The following FER1L6 variants were observed in gnomAD, a reference collection of about 807,000 sequenced individuals.
The protein encoded by FER1L6 is fer-1-like protein 6.
FER1L6 carries 177 observed loss-of-function variants against 219.2 expected under a neutral mutation model. That is an observed-to-expected ratio of 0.81 (90% CI 0.71 to 0.91). The LOEUF (loss-of-function observed/expected upper bound fraction) is 0.91, where lower values mean the gene tolerates loss of function less well. FER1L6 is among the 40% of genes least tolerant of loss of function. The probability of loss-of-function intolerance (pLI) is 0.00; values close to 1 mark genes in which losing one functional copy is unlikely to be tolerated. For synonymous variants in FER1L6, 768 were observed against 824.3 expected (o/e 0.93, Z 1.17); for missense variants, 2,153 against 2,259.9 (o/e 0.95, Z 0.96).
intron 11 of FER1L6, among the ~76,000 whole-genome samples, chr8:123,981,300 T>C (rs768265841): frequency 5.9e-5 from 9 of 152,206 alleles, no homozygotes; most frequent in Non-Finnish European, 1.0e-4. Flanking sequence ...TAGGGTATGC[T>C]TATTACTCAC....
intron 1 of FER1L6, among the ~76,000 whole-genome samples, chr8:123,925,175 C>T (rs1813516214): frequency 6.6e-6 from 1 of 152,178 alleles, no homozygotes. Flanking sequence ...AAATGGACTT[C>T]TCTCTCATGG....
At chr8:124,068,756 T>C (rs1259722023) in intron 28 of FER1L6, among the ~76,000 whole-genome samples, 3 of 152,148 alleles carry the variant, frequency 2.0e-5, no homozygotes, top group Non-Finnish European at 2.9e-5. Context: ...TGTAACCCAC[T>C]GGCCCATAGA....
intron 28 of FER1L6, 94 bp from the exon 29 acceptor site, chr8:124,069,266 T>A: frequency 1.1e-6 from 1 of 943,412 alleles, no homozygotes; most frequent in Non-Finnish European, 1.7e-6. Context: ...GGTCACAACA[T>A]AGGACATGTC....
rs141891602 is a variant in FER1L6 at position 124,067,072 on chromosome 8, G to T, written c.3678+522G>T. 5.2e-3 allele frequency among the ~76,000 whole-genome samples: 799 copies of T among 152,320 alleles called. 8 individuals carry two copies. The highest frequency in any genetic ancestry group is 0.031 in the Middle Eastern group (9 of 294). ...GGAATGAGACAGATCTAGTTATGAA[G>T]CTGGAGAGACAGTGGGGAGTAGGCC... On this transcript the variant is annotated intron_variant, in intron 27 of 40. Coordinates refer to ENST00000522917, the MANE Select transcript of FER1L6 (RefSeq NM_001039112.2).
chr8:124,006,305 G>A (rs1450657411), intron 13 of FER1L6, among the ~76,000 whole-genome samples: 1 of 152,192 alleles, frequency 6.6e-6, no homozygotes, highest in Non-Finnish European at 1.5e-5. Context: ...ATCCTTGGAT[G>A]CACCTCATAT....
chr8:123,922,879 A>G (rs1221368475), intron 1 of FER1L6, among the ~76,000 whole-genome samples: 1 of 152,068 alleles, frequency 6.6e-6, no homozygotes, highest in Non-Finnish European at 1.5e-5. Flanking sequence ...TTTGAACTCA[A>G]AGTGTGTAAT....
chr8:123,963,917 T>C (rs1815414885), intron 3 of FER1L6, among the ~76,000 whole-genome samples: 2 of 152,244 alleles, frequency 1.3e-5, no homozygotes, highest in Admixed American at 6.5e-5. Flanking sequence ...TTGGATAGTT[T>C]TGCTGATCCC....
intron 22 of FER1L6, among the ~76,000 whole-genome samples, chr8:124,059,898 C>T (rs1820481005): frequency 1.3e-5 from 2 of 152,088 alleles, no homozygotes; most frequent in South Asian, 2.1e-4. Context: ...GACCATCTTC[C>T]GTATTTGTTT....
At chr8:124,084,300 A>G (rs1821698609) in intron 33 of FER1L6, among the ~76,000 whole-genome samples, 1 of 152,134 alleles carries the variant, frequency 6.6e-6, no homozygotes, top group African/African-American at 2.4e-5. Flanking sequence ...TCTATGTTGA[A>G]TAACAGTGGT....
intron 38 of FER1L6, 65 bp downstream of exon 38, chr8:124,101,403 T>C: frequency 1.4e-6 from 2 of 1,471,380 alleles, no homozygotes; most frequent in East Asian, 2.3e-5. Context: ...TTTGGAGAGC[T>C]TGGTCTGATT....
intron 13 of FER1L6, chr8:124,004,051 G>C (rs1441847046): frequency 6.8e-6 from 1 of 147,434 alleles, no homozygotes; most frequent in Admixed American, 6.9e-5. Context: ...CAATTTGATG[G>C]GATTATTGAA....
At chr8:124,050,252 G>A (rs1819947029) in intron 22 of FER1L6, among the ~76,000 whole-genome samples, 1 of 152,182 alleles carries the variant, frequency 6.6e-6, no homozygotes, top group Non-Finnish European at 1.5e-5. Flanking sequence ...TGGGTGAACT[G>A]AGTTGACCTT....
At chr8:123,869,238 A>G (rs1326987375) in intron 1 of FER1L6, among the ~76,000 whole-genome samples, 1 of 152,168 alleles carries the variant, frequency 6.6e-6, no homozygotes, top group Admixed American at 6.6e-5. Context: ...TATTCTTATT[A>G]TTGCCCAGAT....
chr8:123,921,870 G>C (rs995472864), intron 1 of FER1L6, among the ~76,000 whole-genome samples: 6 of 152,126 alleles, frequency 3.9e-5, no homozygotes, highest in African/African-American at 1.4e-4. Flanking sequence ...CTTGAAAGGT[G>C]TTTGTCAAGC....
chr8:124,031,554 AT>A (rs1019848010), intron 18 of FER1L6, among the ~76,000 whole-genome samples: 4 of 152,276 alleles, frequency 2.6e-5, no homozygotes, highest in African/African-American at 9.6e-5. Flanking sequence ...TTTATGGCCA[AT>A]TTTTACATAG....
Position 123,976,058 on chromosome 8 carries a change from G to A in FER1L6, c.844G>A (p.Val282Met), listed in dbSNP as rs1258301395. The A allele has an allele frequency of 6.2e-7, 1 of 1,613,562 alleles. No individual in the cohort carries two copies. The highest frequency in any genetic ancestry group is 8.5e-7 in the Non-Finnish European group (1 of 1,179,832). ...CAGTAAGGACCTGGTGGATCCCTTT[G>A]TGGAGGTCTCCTTTGCTGGGCAGAT... ...GDSKDLVDPFVEVSFAGQMGR... is the reference protein window; with the variant it reads ...GDSKDLVDPFMEVSFAGQMGR... The change falls in exon 9 of 41, where the codon GTG becomes ATG. Residue 282 changes from valine to methionine, a missense_variant. Physicochemically the swap from Val to Met is conservative, Grantham distance 21. Transcript: ENST00000522917.
At chr8:123,997,851 G>T (rs181847079) in intron 12 of FER1L6, among the ~76,000 whole-genome samples, 3 of 152,116 alleles carry the variant, frequency 2.0e-5, no homozygotes, top group African/African-American at 7.2e-5. Context: ...ATTTCTGCTT[G>T]ATTCTTTCTA....
chr8:124,114,233 A>AT (rs1823139526), intron 39 of FER1L6, among the ~76,000 whole-genome samples: 1 of 150,120 alleles, frequency 6.7e-6, no homozygotes, highest in African/African-American at 2.5e-5. Flanking sequence ...CCCACCCCCC[A>AT]AAAAGATAGG....
At chr8:124,029,894 T>C (rs562718833) in intron 18 of FER1L6, among the ~76,000 whole-genome samples, 1 of 152,258 alleles carries the variant, frequency 6.6e-6, no homozygotes, top group South Asian at 2.1e-4. Flanking sequence ...TTTTATGGTT[T>C]TGGGTTTTAC....
Sources: allele counts gnomAD v4.1 joint callset (sites outside exome capture counted in the v4.1 genomes callset), GRCh38; gene constraint gnomAD v4.1.1; transcripts MANE v1.5; gene names NCBI Gene and HGNC (gene_info 2026-07-23, HGNC 2026-07-21).